Variants in CHN2 observed in about 807,000 individuals in gnomAD.
CHN2 encodes chimerin 2.
Under a neutral mutation model 56.3 loss-of-function variants are expected in CHN2, and 35 were observed. The observed-to-expected ratio is 0.62, with a 90% confidence interval of 0.47 to 0.82. CHN2 has a LOEUF of 0.82. CHN2 is among the 40% of genes least tolerant of loss of function. CHN2 has a pLI of 0.00. For missense variants in CHN2, 491 were observed against 580.5 expected, an observed-to-expected ratio of 0.85 and a Z score of 1.58; for synonymous variants, 210 against 212.8, an observed-to-expected ratio of 0.99 and a Z score of 0.12.
At chr7:29,228,434 C>T (rs1013458115) in intron 1 of CHN2, among the ~76,000 whole-genome samples, 2 of 152,222 alleles carry the variant, frequency 1.3e-5, no homozygotes, top group Non-Finnish European at 2.9e-5. Flanking sequence ...CTCCAGCATA[C>T]GCTGTCTAGG....
At chr7:29,469,328 A>T (rs10272160) in intron 6 of CHN2, among the ~76,000 whole-genome samples, 1 of 151,958 alleles carries the variant, frequency 6.6e-6, no homozygotes, top group African/African-American at 2.4e-5. Context: ...TAGCCCCCCT[A>T]CAGTCATCAA....
At chr7:29,487,072 G>T (rs1271731605) in intron 7 of CHN2, among the ~76,000 whole-genome samples, 1 of 152,102 alleles carries the variant, frequency 6.6e-6, no homozygotes, top group East Asian at 1.9e-4. Context: ...TTCTTATCAA[G>T]CTCCCAGGTG....
chr7:29,190,991 G>A (rs1369760858), upstream of CHN2, among the ~76,000 whole-genome samples: 1 of 151,880 alleles, frequency 6.6e-6, no homozygotes, highest in Non-Finnish European at 1.5e-5. Flanking sequence ...CTGGGGTGCA[G>A]TGGCATCAAC....
intron 7 of CHN2, chr7:29,483,711 T>A (rs1301200676): frequency 2.4e-6 from 1 of 424,262 alleles, no homozygotes; most frequent in Non-Finnish European, 3.3e-6. Flanking sequence ...CTCTTTTGAA[T>A]GGTCCACCCT....
chr7:29,260,286 A>G (rs1789428239), intron 1 of CHN2, among the ~76,000 whole-genome samples: 1 of 152,126 alleles, frequency 6.6e-6, no homozygotes. Context: ...TCTTCTATCT[A>G]ACTTCGGATT....
At chr7:29,460,969 G>A (rs997045354) in intron 6 of CHN2, among the ~76,000 whole-genome samples, 1 of 152,188 alleles carries the variant, frequency 6.6e-6, no homozygotes, top group African/African-American at 2.4e-5. Context: ...AATTGGTCTT[G>A]TCTCACGATG....
chr7:29,230,623 G>A (rs1442110417), intron 1 of CHN2, among the ~76,000 whole-genome samples: 1 of 152,186 alleles, frequency 6.6e-6, no homozygotes, highest in Non-Finnish European at 1.5e-5. Flanking sequence ...TTACAGGCGT[G>A]AGCCACCATG....
At chr7:29,240,986 A>G (rs1051403215) in intron 1 of CHN2, among the ~76,000 whole-genome samples, 2 of 152,012 alleles carry the variant, frequency 1.3e-5, no homozygotes, top group African/African-American at 4.8e-5. Flanking sequence ...GCCAGGTTTA[A>G]GTGATTCTCC....
At chr7:29,239,984 A>T (rs1357468670) in intron 1 of CHN2, among the ~76,000 whole-genome samples, 2 of 152,180 alleles carry the variant, frequency 1.3e-5, no homozygotes, top group East Asian at 3.9e-4. Flanking sequence ...AACTAACTCA[A>T]ACATTTTTTC....
At position 29,511,685 on chromosome 7, in the gene CHN2, T is replaced by A. The variant is rs181192668; in HGVS notation, c.1236-879T>A. Reference sequence around the variant, plus strand: ...TTATAAGGAAATAGAAAGGGATGGCTTTTTATGCACAACCTAAACACATTT... The same window carrying A: ...TTATAAGGAAATAGAAAGGGATGGCATTTTATGCACAACCTAAACACATTT... On this transcript the variant is annotated intron_variant, in intron 12 of 12. Coordinates refer to ENST00000222792, the MANE Select transcript of CHN2 (RefSeq NM_004067.4). 2.3e-3 allele frequency among the ~76,000 whole-genome samples: 355 copies of A among 152,316 alleles called. 10 individuals carry two copies. The highest frequency in any genetic ancestry group is 0.021 in the Admixed American group (320 of 15,298).
chr7:29,147,029 C>A, intron 2 of CHN2: 7 of 1,544,410 alleles, frequency 4.5e-6, no homozygotes, highest in Non-Finnish European at 6.1e-6. Flanking sequence ...AGTCTCAGAG[C>A]CACCTGATGT....
intron 1 of CHN2, among the ~76,000 whole-genome samples, chr7:29,336,594 C>T (rs1796629873): frequency 6.6e-6 from 1 of 150,568 alleles, no homozygotes; most frequent in Non-Finnish European, 1.5e-5. Context: ...CCTGTCTCTA[C>T]AAAAAAAAAT....
At chr7:29,155,214 A>C (rs1794186915) in intron 2 of CHN2, among the ~76,000 whole-genome samples, 1 of 152,202 alleles carries the variant, frequency 6.6e-6, no homozygotes, top group Non-Finnish European at 1.5e-5. Flanking sequence ...ATAAATGAAA[A>C]TAAAGAAGTA....
At chr7:29,359,343 GCT>G (rs954107663) in intron 2 of CHN2, among the ~76,000 whole-genome samples, 4 of 152,282 alleles carry the variant, frequency 2.6e-5, no homozygotes, top group East Asian at 1.9e-4. Context: ...TAAGAAATCA[GCT>G]CTCTCAATAT....
chr7:29,256,168 G>A (rs6968010), intron 1 of CHN2, among the ~76,000 whole-genome samples: 36,879 of 152,102 alleles, frequency 0.24, 4,652 homozygotes, highest in African/African-American at 0.29. Flanking sequence ...CCAGTGAGAG[G>A]CTGCCATGTC....
intron 1 of CHN2, among the ~76,000 whole-genome samples, chr7:29,295,184 A>G (rs901798496): frequency 2.0e-5 from 3 of 152,038 alleles, no homozygotes; most frequent in Non-Finnish European, 4.4e-5. Flanking sequence ...ACAAAGAAAA[A>G]GTCTGTACAT....
At chr7:29,243,086 T>C (rs1787812848) in intron 1 of CHN2, among the ~76,000 whole-genome samples, 1 of 152,186 alleles carries the variant, frequency 6.6e-6, no homozygotes, top group Non-Finnish European at 1.5e-5. Flanking sequence ...CTGGGTTAGT[T>C]CTATTAGAAA....
rs189657465 is a variant in CHN2 at position 29,344,160 on chromosome 7, T to C, written c.50-10465T>C. Reference sequence around the variant, plus strand: ...TCAAGTCCATCCCATTTTCTCCGTCTCCACTGCCACCATTCAAGTTCAGAT... The same window carrying C: ...TCAAGTCCATCCCATTTTCTCCGTCCCCACTGCCACCATTCAAGTTCAGAT... On this transcript the variant is annotated intron_variant, in intron 1 of 12. Coordinates refer to ENST00000222792, the MANE Select transcript of CHN2 (RefSeq NM_004067.4). Among the ~76,000 whole-genome samples, 322 of 152,282 alleles carry C rather than the reference T, an allele frequency of 2.1e-3. 1 individual carries two copies. The highest frequency in any genetic ancestry group is 2.8e-3 in the Non-Finnish European group (193 of 68,032).
At chr7:29,249,087 G>C (rs953507681) in intron 1 of CHN2, among the ~76,000 whole-genome samples, 1 of 152,210 alleles carries the variant, frequency 6.6e-6, no homozygotes, top group African/African-American at 2.4e-5. Context: ...ATAGAGACAG[G>C]AGAGGTGATT....
Sources: gnomAD v4.1 joint callset for allele counts (sites outside exome capture counted in the v4.1 genomes callset) on GRCh38, gnomAD v4.1.1 for gene constraint, MANE v1.5 for transcripts, NCBI Gene and HGNC (gene_info 2026-07-23, HGNC 2026-07-21) for gene names.